ADA: variants seen among roughly 807,000 people sequenced by gnomAD.
ADA encodes the protein adenosine deaminase.
A neutral mutation model predicts 49.0 loss-of-function variants in ADA; 45 were observed. The ratio of observed to expected loss-of-function variants is 0.92; its 90% confidence interval spans 0.72 to 1.18. The LOEUF (loss-of-function observed/expected upper bound fraction) is 1.18, where lower values mean the gene tolerates loss of function less well. ADA is among the 50% of genes most tolerant of loss of function. ADA has a pLI of 0.00. For synonymous variants in ADA, 173 were observed against 184.2 expected (o/e 0.94, Z 0.49); for missense variants, 445 against 472.5 (o/e 0.94, Z 0.54).
Position 44,621,115 on chromosome 20 carries a change from T to TTGAGCGAGTAGTTAGCCTG in ADA, c.859_877dup (p.Asn293ThrfsTer3). ...CTTGAAGATGAGCGGGTCATCTGTG[T>TTGAGCGAGTAGTTAGCCTG]TGAGCGAGTAGTTAGCCTGGTCATT... On this transcript the variant is annotated stop_gained and frameshift_variant, in exon 10 of 12. Transcript: ENST00000372874. LOFTEE classifies it high-confidence loss of function. 6.2e-7 allele frequency: 1 copy of TTGAGCGAGTAGTTAGCCTG among 1,614,192 alleles called. No individual in the cohort carries two copies. The highest frequency in any genetic ancestry group is 8.5e-7 in the Non-Finnish European group (1 of 1,180,038).
At chr20:44,650,622 C>T (rs2065635539) in intron 1 of ADA, among the ~76,000 whole-genome samples, 1 of 151,604 alleles carries the variant, frequency 6.6e-6, no homozygotes, top group South Asian at 2.1e-4. Flanking sequence ...TTTGGAGAGA[C>T]GGGGTCTAGT....
intron 2 of ADA, among the ~76,000 whole-genome samples, chr20:44,629,484 T>C (rs1271095702): frequency 6.6e-6 from 1 of 152,224 alleles, no homozygotes; most frequent in African/African-American, 2.4e-5. Context: ...CTTGGTTGAC[T>C]GATGCTTGGA....
At chr20:44,642,968 T>C (rs1198285612) in intron 1 of ADA, among the ~76,000 whole-genome samples, 4 of 151,958 alleles carry the variant, frequency 2.6e-5, no homozygotes, top group Non-Finnish European at 5.9e-5. Context: ...TTCTCACGGC[T>C]GCCTGAGAAG....
intron 1 of ADA, among the ~76,000 whole-genome samples, chr20:44,645,546 C>T (rs921050702): frequency 5.9e-5 from 9 of 151,978 alleles, no homozygotes; most frequent in African/African-American, 2.2e-4. Context: ...CACTTGAACC[C>T]GGGAGGCAGA....
At position 44,622,832 on chromosome 20, in the gene ADA, G is replaced by A. The variant is rs772309012; in HGVS notation, c.777C>T (p.Phe259=). The change falls in exon 8 of 12, where the codon TTC becomes TTT. Residue 259 remains phenylalanine, a synonymous_variant. Transcript: ENST00000372874. ...CCCCACTCCCTGGCCCGCTTACCTCGAAGTGCATGTTTTCCTGCCGCAGCC... is the reference window on the plus strand; with the variant it reads ...CCCCACTCCCTGGCCCGCTTACCTCAAAGTGCATGTTTTCCTGCCGCAGCC... ...YNRLRQENMH[F]EICPWSSYLT... The A allele has an allele frequency of 9.9e-6, 16 of 1,614,098 alleles. No homozygotes were observed. The highest frequency in any genetic ancestry group is 4.5e-5 in the East Asian group (2 of 44,894).
chr20:44,626,288 G>A (rs941384788), intron 4 of ADA, 168 bp downstream of exon 4: 8 of 917,814 alleles, frequency 8.7e-6, no homozygotes, highest in South Asian at 5.9e-5. Context: ...TGGGAACCAC[G>A]TCTCTTGTGA....
At position 44,650,146 on chromosome 20, in the gene ADA, G is replaced by A. The variant is rs78073593; in HGVS notation, c.33+1429C>T. On this transcript the variant is annotated intron_variant, in intron 1 of 11. Coordinates refer to ENST00000372874, the MANE Select transcript of ADA (RefSeq NM_000022.4). ...AATAAAAAGACTGCAAAGGGGAGGCGCCAATCATGGGCCCCAGCTCCAGTA... is the reference window on the plus strand; with the variant it reads ...AATAAAAAGACTGCAAAGGGGAGGCACCAATCATGGGCCCCAGCTCCAGTA... 6.6e-3 allele frequency among the ~76,000 whole-genome samples: 1,013 copies of A among 152,352 alleles called. 8 individuals are homozygous for A. The highest frequency in any genetic ancestry group is 0.012 in the Non-Finnish European group (836 of 68,032).
At chr20:44,643,672 C>G (rs915295320) in intron 1 of ADA, among the ~76,000 whole-genome samples, 1 of 152,176 alleles carries the variant, frequency 6.6e-6, no homozygotes, top group Admixed American at 6.5e-5. Flanking sequence ...GCACTCATGT[C>G]GAGACAGTGC....
At chr20:44,625,437 T>C in intron 5 of ADA, 132 bp downstream of exon 5, 1 of 815,242 alleles carries the variant, frequency 1.2e-6, no homozygotes, top group East Asian at 2.7e-5. Context: ...CCCAAGTTCA[T>C]GCCAGTGGGC....
At chr20:44,620,483 C>T in intron 10 of ADA, 82 bp from the exon 11 acceptor site, 2 of 1,160,842 alleles carry the variant, frequency 1.7e-6, no homozygotes, top group Non-Finnish European at 2.6e-6. Context: ...AGTCCATCCT[C>T]TTCACTCAAC....
rs138364145 is a variant in ADA at position 44,644,905 on chromosome 20, T to C, written c.33+6670A>G. On this transcript the variant is annotated intron_variant, in intron 1 of 11. Transcript: ENST00000372874. The stretch of plus-strand genomic sequence containing the variant: ...GGGAAATTCCTGTGGAGCCACAGCA[T>C]AGGGACTCAGCACACTTAAACTCGT... Among the ~76,000 whole-genome samples the C allele has an allele frequency of 1.8e-4, 27 of 152,266 alleles. No homozygotes were observed. In the Middle Eastern group the frequency reaches 0.014, roughly 77 times the overall value.
At chr20:44,635,560 T>C (rs2065472105) in intron 2 of ADA, among the ~76,000 whole-genome samples, 1 of 152,160 alleles carries the variant, frequency 6.6e-6, no homozygotes, top group African/African-American at 2.4e-5. Context: ...TGTACTGGCA[T>C]CTCATGTGAG....
At chr20:44,643,434 T>C (rs1042655732) in intron 1 of ADA, among the ~76,000 whole-genome samples, 6 of 152,234 alleles carry the variant, frequency 3.9e-5, no homozygotes, top group Non-Finnish European at 8.8e-5. Context: ...ATAATAATAA[T>C]GATAAAGCAG....
intron 11 of ADA, 111 bp downstream of exon 11, chr20:44,620,188 C>G: frequency 1.0e-6 from 1 of 989,890 alleles, no homozygotes; most frequent in South Asian, 1.3e-5. Context: ...GGAGTCATCA[C>G]ACATTCATGG....
intron 2 of ADA, among the ~76,000 whole-genome samples, chr20:44,633,731 C>T (rs2065454361): frequency 6.6e-6 from 1 of 152,148 alleles, no homozygotes; most frequent in Non-Finnish European, 1.5e-5. Context: ...AAATAGTTGA[C>T]AGGGTTATAA....
chr20:44,623,682 C>T (rs1221173414), intron 6 of ADA, among the ~76,000 whole-genome samples: 1 of 151,770 alleles, frequency 6.6e-6, no homozygotes, highest in Admixed American at 6.6e-5. Context: ...TCCTTCCTCC[C>T]TCCCTCCCTT....
At chr20:44,633,679 A>C (rs1438658003) in intron 2 of ADA, among the ~76,000 whole-genome samples, 1 of 152,344 alleles carries the variant, frequency 6.6e-6, no homozygotes, top group South Asian at 2.1e-4. Flanking sequence ...AGACCAGGGC[A>C]GTGATCGGAG....
intron 1 of ADA, among the ~76,000 whole-genome samples, chr20:44,648,704 T>C (rs544296012): frequency 6.6e-5 from 10 of 152,108 alleles, no homozygotes; most frequent in South Asian, 2.1e-4. Context: ...GCTATATCCA[T>C]TGGAGTCAAT....
chr20:44,621,601 T>G (rs1372453079), intron 9 of ADA, among the ~76,000 whole-genome samples: 1 of 152,210 alleles, frequency 6.6e-6, no homozygotes, highest in African/African-American at 2.4e-5. Context: ...TTGTATCTAA[T>G]GGATCTTTCC....
Sources: gnomAD v4.1 joint callset for allele counts (sites outside exome capture counted in the v4.1 genomes callset) on GRCh38, gnomAD v4.1.1 for gene constraint, MANE v1.5 for transcripts, NCBI Gene and HGNC (gene_info 2026-07-23, HGNC 2026-07-21) for gene names.